The following MAST4 variants were observed in gnomAD, a reference collection of about 807,000 sequenced individuals.
The protein encoded by MAST4 is microtubule-associated serine/threonine-protein kinase 4.
Under a neutral mutation model 162.7 loss-of-function variants are expected in MAST4, and 89 were observed. That is an observed-to-expected ratio of 0.55 (90% CI 0.46 to 0.65). The LOEUF (loss-of-function observed/expected upper bound fraction) is 0.65, where lower values mean the gene tolerates loss of function less well. MAST4 is among the 30% of genes least tolerant of loss of function. The probability of loss-of-function intolerance (pLI) is 0.00; values close to 1 mark genes in which losing one functional copy is unlikely to be tolerated. For synonymous variants in MAST4, 1,479 were observed against 1,361.1 expected (o/e 1.09, Z -1.91); for missense variants, 3,153 against 3,374.0 (o/e 0.93, Z 1.62).
chr5:66,954,231 G>A (rs1025030135), intron 4 of MAST4, among the ~76,000 whole-genome samples: 1 of 152,114 alleles, frequency 6.6e-6, no homozygotes, highest in Non-Finnish European at 1.5e-5. Context: ...TATACAGCTA[G>A]TCCATGATGT....
At chr5:66,874,729 T>G (rs1464451901) in intron 3 of MAST4, among the ~76,000 whole-genome samples, 1 of 152,204 alleles carries the variant, frequency 6.6e-6, no homozygotes, top group Non-Finnish European at 1.5e-5. Context: ...CTCAGCAATT[T>G]CTTTACCTTT....
intron 1 of MAST4, among the ~76,000 whole-genome samples, chr5:66,738,781 C>T (rs1340843473): frequency 6.6e-6 from 1 of 152,182 alleles, no homozygotes; most frequent in Non-Finnish European, 1.5e-5. Context: ...AGGCCTTTTG[C>T]ACTGTGAACC....
At chr5:67,003,177 T>C (rs943925153) in intron 4 of MAST4, among the ~76,000 whole-genome samples, 7 of 152,088 alleles carry the variant, frequency 4.6e-5, no homozygotes, top group African/African-American at 1.7e-4. Flanking sequence ...AGCTCATTAA[T>C]ATCTATTGAA....
rs1273727265 is a variant in MAST4, at chr5:67,150,101, T to C, written c.3295+512T>C. ...GAAATTCTAGGTTTTCCCAACCCTG[T>C]CAGTTGAGCTATGCTTCCTCCTACT... On this transcript the variant is annotated intron_variant, in intron 24 of 28. Coordinates refer to ENST00000403625, the MANE Select transcript of MAST4 (RefSeq NM_001164664.2). 9.9e-5 allele frequency among the ~76,000 whole-genome samples: 15 copies of C among 152,174 alleles called. No homozygotes were observed. The South Asian group carries it at 2.7e-3, about 27-fold the overall frequency.
intron 4 of MAST4, among the ~76,000 whole-genome samples, chr5:66,934,950 A>G (rs560920495): frequency 2.0e-5 from 3 of 152,210 alleles, no homozygotes; most frequent in African/African-American, 4.8e-5. Context: ...GATAATTACT[A>G]TAGTTAGGAT....
intron 3 of MAST4, among the ~76,000 whole-genome samples, chr5:66,815,815 A>C (rs574377216): frequency 1.3e-5 from 2 of 152,316 alleles, no homozygotes; most frequent in South Asian, 4.1e-4. Flanking sequence ...GAAGTGTACA[A>C]TTAACAGGCT....
intron 3 of MAST4, among the ~76,000 whole-genome samples, chr5:66,845,118 T>TAC (rs1354075006): frequency 6.2e-5 from 8 of 129,744 alleles, no homozygotes; most frequent in African/African-American, 2.5e-4. Context: ...TATATATATA[T>TAC]ATATATATAC....
chr5:67,022,979 A>G (rs971002357), intron 4 of MAST4, among the ~76,000 whole-genome samples: 24 of 152,126 alleles, frequency 1.6e-4, no homozygotes, highest in African/African-American at 5.8e-4. Context: ...TGGTGCAAGC[A>G]TGTAATTGAT....
intron 3 of MAST4, 37 bp downstream of exon 3, chr5:66,788,831 C>T (rs1284826390): frequency 6.6e-7 from 1 of 1,512,558 alleles, no homozygotes; most frequent in Non-Finnish European, 8.8e-7. Context: ...GCTGCTCCAG[C>T]TCACCACCTC....
chr5:66,857,480 A>G (rs779240941), intron 3 of MAST4, among the ~76,000 whole-genome samples: 3 of 152,218 alleles, frequency 2.0e-5, no homozygotes, highest in Non-Finnish European at 2.9e-5. Flanking sequence ...TGGATATTGC[A>G]GTAAACTTGT....
chr5:66,696,539 T>A (rs1749413621), intron 1 of MAST4, among the ~76,000 whole-genome samples: 1 of 152,112 alleles, frequency 6.6e-6, no homozygotes, highest in East Asian at 1.9e-4. Flanking sequence ...ATCAACATGA[T>A]GGTCAAGTCA....
intron 3 of MAST4, among the ~76,000 whole-genome samples, chr5:66,873,580 G>A (rs1351804859): frequency 2.6e-5 from 4 of 152,210 alleles, no homozygotes; most frequent in Non-Finnish European, 4.4e-5. Flanking sequence ...ATGATATGGT[G>A]CAAATAATAG....
chr5:66,760,077 C>CAATTTATT (rs58766667), intron 2 of MAST4, among the ~76,000 whole-genome samples: 17,587 of 147,122 alleles, frequency 0.12, 1,319 homozygotes, highest in African/African-American at 0.16. Context: ...ACAATATCCC[C>CAATTTATT]TATTTATTTA....
At chr5:66,756,509 G>A (rs1027617097) in intron 1 of MAST4, among the ~76,000 whole-genome samples, 8 of 152,152 alleles carry the variant, frequency 5.3e-5, no homozygotes, top group African/African-American at 1.9e-4. Context: ...ACTCCTTGTA[G>A]TATGAAGACT....
rs577327751 is a variant in MAST4 at position 66,955,619 on chromosome 5, C to G, written c.674+55637C>G. Among the ~76,000 whole-genome samples, 6 of 152,262 alleles carry G rather than the reference C, an allele frequency of 3.9e-5. No individual in the cohort carries two copies. In the South Asian group the frequency reaches 1.0e-3, roughly 26 times the overall value. ...CAAAGCCACTTTAATTTTATATACT[C>G]TTACTCTCCCTCCCCAGATCATTTG... On this transcript the variant is annotated intron_variant, in intron 4 of 28. Transcript: ENST00000403625.
chr5:66,741,750 G>C (rs1752487861), intron 1 of MAST4, among the ~76,000 whole-genome samples: 1 of 152,150 alleles, frequency 6.6e-6, no homozygotes, highest in Admixed American at 6.5e-5. Context: ...TGAGGAGGTG[G>C]CCTGGCTTCT....
At chr5:66,617,552 G>C (rs1743777322) in intron 1 of MAST4, among the ~76,000 whole-genome samples, 1 of 151,974 alleles carries the variant, frequency 6.6e-6, no homozygotes, top group African/African-American at 2.4e-5. Context: ...AAATGTAAAA[G>C]ATTATGTAGA....
intron 14 of MAST4, among the ~76,000 whole-genome samples, chr5:67,127,247 C>G (rs982115929): frequency 6.6e-6 from 1 of 152,164 alleles, no homozygotes; most frequent in Non-Finnish European, 1.5e-5. Context: ...CCTGATTGCC[C>G]TGGCCAGAAC....
intron 3 of MAST4, among the ~76,000 whole-genome samples, chr5:66,868,419 G>T (rs1372223878): frequency 6.7e-6 from 1 of 148,170 alleles, no homozygotes; most frequent in Admixed American, 6.8e-5. Flanking sequence ...GTGTATATGT[G>T]TATATATATG....
Sources: gnomAD v4.1 joint callset for allele counts (sites outside exome capture counted in the v4.1 genomes callset) on GRCh38, gnomAD v4.1.1 for gene constraint, MANE v1.5 for transcripts, NCBI Gene and HGNC (gene_info 2026-07-23, HGNC 2026-07-21) for gene names.